Variants in NXN observed in about 807,000 individuals in gnomAD.
NXN encodes nucleoredoxin 1.
In NXN, 16 loss-of-function variants were observed where a neutral mutation model predicts 48.6. The ratio of observed to expected loss-of-function variants is 0.33; its 90% CI spans 0.22 to 0.50. NXN has a LOEUF of 0.50. Among genes scored for constraint, NXN ranks in the 20% least tolerant of loss-of-function variants. The pLI is 0.98. For synonymous variants in NXN, 281 were observed against 269.6 expected (o/e 1.04, Z -0.41); for missense variants, 492 against 605.5 (o/e 0.81, Z 1.97).
intron 1 of NXN, among the ~76,000 whole-genome samples, chr17:888,680 T>C (rs1037791805): frequency 6.6e-5 from 10 of 150,598 alleles, no homozygotes; most frequent in African/African-American, 2.4e-4. Context: ...AGAGGCCAGG[T>C]GTGGTGGCTC....
intron 1 of NXN, among the ~76,000 whole-genome samples, chr17:946,116 C>A (rs943177869): frequency 6.6e-6 from 1 of 151,256 alleles, no homozygotes; most frequent in East Asian, 1.9e-4. Flanking sequence ...GTATTCTAGG[C>A]GCTTGAAAGT....
At chr17:902,782 CTT>C (rs748225079) in intron 1 of NXN, among the ~76,000 whole-genome samples, 9 of 138,046 alleles carry the variant, frequency 6.5e-5, no homozygotes, top group Admixed American at 1.5e-4. Flanking sequence ...GCCCATCATT[CTT>C]TTTTTTTTTT....
intron 1 of NXN, among the ~76,000 whole-genome samples, chr17:944,409 C>T (rs1468321751): frequency 6.6e-6 from 1 of 152,178 alleles, no homozygotes; most frequent in East Asian, 1.9e-4. Flanking sequence ...TCCGCAGGTC[C>T]GTACCCCCGT....
chr17:875,993 C>T (rs1294394921), intron 1 of NXN, among the ~76,000 whole-genome samples: 2 of 152,028 alleles, frequency 1.3e-5, no homozygotes, highest in Non-Finnish European at 2.9e-5. Flanking sequence ...ACCATCCTGG[C>T]TATCAGGGTG....
At chr17:812,905 T>C (rs891888579) in intron 5 of NXN, among the ~76,000 whole-genome samples, 1 of 137,546 alleles carries the variant, frequency 7.3e-6, no homozygotes, top group Non-Finnish European at 1.6e-5. Context: ...GGTGTGTGCA[T>C]GTGTGACTGT....
At chr17:916,591 G>GGGGATCCCA (rs1434244068) in intron 1 of NXN, among the ~76,000 whole-genome samples, 1 of 152,164 alleles carries the variant, frequency 6.6e-6, no homozygotes, top group Non-Finnish European at 1.5e-5. Flanking sequence ...TTAAGTGTTT[G>GGGGATCCCA]GGGATCCCAG....
intron 1 of NXN, among the ~76,000 whole-genome samples, chr17:900,604 C>G (rs769122528): frequency 6.6e-6 from 1 of 152,168 alleles, no homozygotes; most frequent in Non-Finnish European, 1.5e-5. Context: ...CAAAATGAAT[C>G]TGCCCGTTCA....
chr17:936,587 G>A (rs1173611795), intron 1 of NXN, among the ~76,000 whole-genome samples: 2 of 151,572 alleles, frequency 1.3e-5, no homozygotes, highest in African/African-American at 2.4e-5. Context: ...AGGAGAGAAG[G>A]GCGAGGTGTG....
rs529948219 is a variant in NXN, at chr17:958,057, G to A, written c.360+21262C>T. Among the ~76,000 whole-genome samples the A allele has an allele frequency of 7.2e-5, 11 of 152,234 alleles. No homozygotes were observed. The highest frequency in any genetic ancestry group is 1.9e-4 in the East Asian group (1 of 5,180). On this transcript the variant is annotated intron_variant, in intron 1 of 7. Transcript: ENST00000336868. This position sits in a 1 kb window ranked among gnomAD's most constrained non-coding sequence, Gnocchi z 6.9. ...CTCTCGCTCCATCCTATACTTAGGC[G>A]CCTCGGCAGGATCAAATGAACCCTC... is the stretch of plus-strand genomic sequence containing the variant.
chr17:805,868 G>A (rs891999852), intron 5 of NXN, among the ~76,000 whole-genome samples: 3 of 151,802 alleles, frequency 2.0e-5, no homozygotes, highest in Non-Finnish European at 4.4e-5. Context: ...TAAGAACTTA[G>A]CACAGGGTCA....
At chr17:937,657 C>G (rs12939540) in intron 1 of NXN, among the ~76,000 whole-genome samples, 21,481 of 152,206 alleles carry the variant, frequency 0.14, 2,097 homozygotes, top group Non-Finnish European at 0.21. Flanking sequence ...CAATTTCACT[C>G]TTTTCTGCAC....
chr17:818,362 C>T (rs577293311), intron 5 of NXN, among the ~76,000 whole-genome samples: 18 of 152,038 alleles, frequency 1.2e-4, no homozygotes, highest in African/African-American at 4.1e-4. Context: ...AAGGTGATAC[C>T]CACTCAGCCC....
intron 1 of NXN, among the ~76,000 whole-genome samples, chr17:971,626 C>T (rs2069379974): frequency 6.6e-6 from 1 of 151,696 alleles, no homozygotes; most frequent in Non-Finnish European, 1.5e-5. Context: ...AGGAGAATGG[C>T]GTGAACCGGG....
At chr17:940,848 T>C (rs8066355) in intron 1 of NXN, among the ~76,000 whole-genome samples, 66,862 of 125,440 alleles carry the variant, frequency 0.53, 17,030 homozygotes, top group Non-Finnish European at 0.63. Context: ...GGATTTACAG[T>C]GAACAAGATT....
At chr17:948,650 G>A (rs373241872) in intron 1 of NXN, among the ~76,000 whole-genome samples, 38 of 152,094 alleles carry the variant, frequency 2.5e-4, no homozygotes, top group African/African-American at 8.2e-4. Flanking sequence ...GGTGCTTCAC[G>A]GAACAAACGC....
intron 5 of NXN, among the ~76,000 whole-genome samples, chr17:816,455 G>C (rs530265823): frequency 6.6e-6 from 1 of 151,920 alleles, no homozygotes; most frequent in African/African-American, 2.4e-5. Flanking sequence ...CTGCACGTGC[G>C]GTTCCGTCTG....
At chr17:832,947 G>C (rs113058991) in intron 1 of NXN, among the ~76,000 whole-genome samples, 6,218 of 152,190 alleles carry the variant, frequency 0.041, 144 homozygotes, top group African/African-American at 0.057. Context: ...CTGGAGTGCA[G>C]TGGCGCGATC....
intron 1 of NXN, among the ~76,000 whole-genome samples, chr17:839,882 A>C (rs1266183916): frequency 6.7e-6 from 1 of 149,812 alleles, no homozygotes; most frequent in Non-Finnish European, 1.5e-5. Context: ...AGATTACCTG[A>C]GGTCAGGAGT....
intron 1 of NXN, among the ~76,000 whole-genome samples, chr17:856,487 C>CA (rs1184469015): frequency 2.5e-5 from 3 of 121,100 alleles, no homozygotes; most frequent in Non-Finnish European, 5.1e-5. Context: ...AAGTACTTGT[C>CA]TTTTTTTTTT....
Sources: gnomAD v4.1 joint callset for allele counts (sites outside exome capture counted in the v4.1 genomes callset) on GRCh38, gnomAD v4.1.1 for gene constraint, Gnocchi (gnomAD v3.1) non-coding constraint, MANE v1.5 for transcripts, NCBI Gene and HGNC (gene_info 2026-07-23, HGNC 2026-07-21) for gene names.